Variants in MORC4 observed in about 807,000 individuals in gnomAD.
The protein encoded by MORC4 is MORC family CW-type zinc finger 4.
MORC4 carries 22 observed loss-of-function variants against 65.5 expected under a neutral mutation model. That is an observed-to-expected ratio of 0.34 (90% CI 0.24 to 0.48). The LOEUF is 0.48. MORC4 is among the 20% of genes least tolerant of loss of function. The pLI, the probability that MORC4 is intolerant of heterozygous loss-of-function variation, is 0.99. For synonymous variants in MORC4, 267 were observed against 255.8 expected, an observed-to-expected ratio of 1.04 and a Z score of -0.42; for missense variants, 624 against 703.0, an observed-to-expected ratio of 0.89 and a Z score of 1.27.
chrX:106,976,980 C>T (rs1208022573), intron 8 of MORC4, among the ~76,000 whole-genome samples: 1 of 111,449 alleles, frequency 9.0e-6, no homozygotes, highest in Admixed American at 9.6e-5. Context: ...CTTTTATCTG[C>T]TTTATATTCC....
intron 9 of MORC4, among the ~76,000 whole-genome samples, chrX:106,974,711 T>C (rs1218312067): frequency 8.9e-6 from 1 of 112,109 alleles, no homozygotes; most frequent in African/African-American, 3.2e-5. Flanking sequence ...TCCAGCAGTA[T>C]GATGGCTGGT....
At chrX:106,993,634 A>G (rs1935023523) in intron 2 of MORC4, among the ~76,000 whole-genome samples, 1 of 111,959 alleles carries the variant, frequency 8.9e-6, no homozygotes, top group African/African-American at 3.2e-5. Flanking sequence ...GTCTTTGGAA[A>G]AAAGTATTAA....
intron 14 of MORC4, among the ~76,000 whole-genome samples, chrX:106,952,737 T>C (rs1357273666): frequency 8.9e-6 from 1 of 112,056 alleles, no homozygotes; most frequent in African/African-American, 3.2e-5. Flanking sequence ...GGCTTTATTT[T>C]ATCTGGAGTT....
intron 14 of MORC4, among the ~76,000 whole-genome samples, chrX:106,944,741 G>A (rs1933782317): frequency 9.0e-6 from 1 of 111,221 alleles, no homozygotes; most frequent in Non-Finnish European, 1.9e-5. Context: ...CTTCAAACCT[G>A]CTCCTTTTCC....
intron 14 of MORC4, among the ~76,000 whole-genome samples, chrX:106,948,055 TG>T (rs977609712): frequency 9.0e-6 from 1 of 111,608 alleles, no homozygotes; most frequent in Non-Finnish European, 1.9e-5. Context: ...ACGCCTTCTT[TG>T]TTCCTTTGAC....
At chrX:106,990,577 T>C (rs1213226543) in intron 3 of MORC4, among the ~76,000 whole-genome samples, 1 of 112,524 alleles carries the variant, frequency 8.9e-6, no homozygotes, top group Admixed American at 9.3e-5. Context: ...CTCTTTTAAA[T>C]AAATGGTATC....
intron 2 of MORC4, among the ~76,000 whole-genome samples, chrX:106,999,418 T>C (rs2147831141): frequency 8.9e-6 from 1 of 111,813 alleles, no homozygotes; most frequent in South Asian, 3.8e-4. Context: ...TGCCCGAACG[T>C]CACGAGCGCG....
intron 9 of MORC4, among the ~76,000 whole-genome samples, chrX:106,965,887 T>C (rs762917388): frequency 1.3e-4 from 15 of 112,058 alleles, no homozygotes; most frequent in Non-Finnish European, 2.4e-4. Context: ...GAACATGTTA[T>C]TGGAAAACTT....
At chrX:106,954,370 C>T (rs1934049473) in intron 14 of MORC4, among the ~76,000 whole-genome samples, 1 of 112,327 alleles carries the variant, frequency 8.9e-6, no homozygotes. Context: ...CAAAATAACA[C>T]TGATGAGGTG....
At chrX:106,950,138 A>G (rs1312314360) in intron 14 of MORC4, among the ~76,000 whole-genome samples, 10 of 112,134 alleles carry the variant, frequency 8.9e-5, no homozygotes, top group Non-Finnish European at 1.9e-5. Context: ...CCCTGTGCTT[A>G]TACACAGCCT....
At chrX:106,962,558 T>C (rs914311788) in intron 9 of MORC4, among the ~76,000 whole-genome samples, 1 of 112,048 alleles carries the variant, frequency 8.9e-6, no homozygotes, top group African/African-American at 3.2e-5. Context: ...TACTATACCC[T>C]ATCTATTATA....
chrX:106,983,840 C>G (rs975562535), intron 5 of MORC4, among the ~76,000 whole-genome samples: 1 of 110,567 alleles, frequency 9.0e-6, no homozygotes, highest in Non-Finnish European at 1.9e-5. Flanking sequence ...GCCACCACAC[C>G]TGGCCAGATT....
At chrX:106,964,731 C>T (rs1332771952) in intron 9 of MORC4, among the ~76,000 whole-genome samples, 1 of 111,776 alleles carries the variant, frequency 8.9e-6, no homozygotes, top group Non-Finnish European at 1.9e-5. Flanking sequence ...AAAAATTGGC[C>T]AGGTGCAGTG....
At position 106,978,029 on chromosome X, in the gene MORC4, C is replaced by A. The variant is rs780760747; in HGVS notation, c.1056+51G>T. ...CTATCCCCTTTGCAAATTTTAAATTCTCTTCCTACTCTTTTCAGCCTCCTA... is the reference window on the plus strand; with the variant it reads ...CTATCCCCTTTGCAAATTTTAAATTATCTTCCTACTCTTTTCAGCCTCCTA... On this transcript the variant is annotated intron_variant, in intron 8 of 16. Transcript: ENST00000355610. 3.4e-6 allele frequency: 4 copies of A among 1,190,303 alleles called. No individual in the cohort carries two copies. In the South Asian group the frequency reaches 5.5e-5, roughly 16 times the overall value.
Position 106,980,909 on chromosome X carries a change from T to C in MORC4, c.918A>G (p.Thr306=), listed in dbSNP as rs915072653. The C allele has an allele frequency of 5.0e-6, 6 of 1,207,207 alleles. No individual in the cohort carries two copies. Among genetic ancestry groups the C allele is most frequent in the East Asian group, 3.0e-5 (1 of 33,840 alleles). Residue 306 remains threonine, a synonymous_variant, in exon 7 of 17, where the codon ACA becomes ACG. Transcript: ENST00000355610. The stretch of plus-strand genomic sequence containing the variant: ...AGGATACTGTGAAGGTAGGTTTATA[T>C]GTATCATATTCTACATTGGCCAGGC... ...AKSLANVEYD[T]YKPTFTNKQV...
At chrX:106,945,392 T>A (rs1301981370) in intron 14 of MORC4, among the ~76,000 whole-genome samples, 5 of 103,571 alleles carry the variant, frequency 4.8e-5, no homozygotes, top group African/African-American at 1.8e-4. Context: ...AGCACTCTTA[T>A]TAAAATGCAT....
At chrX:106,994,784 C>CT (rs1240621494) in intron 2 of MORC4, among the ~76,000 whole-genome samples, 31 of 107,849 alleles carry the variant, frequency 2.9e-4, no homozygotes, top group Non-Finnish European at 5.0e-4. Flanking sequence ...TTTTTTTTTT[C>CT]TTTTTTTTCA....
At chrX:106,993,470 T>G in intron 2 of MORC4, 108 bp from the exon 3 acceptor site, 1 of 826,461 alleles carries the variant, frequency 1.2e-6, no homozygotes, top group Non-Finnish European at 1.7e-6. Flanking sequence ...TTTCCTTCAT[T>G]TGGATGTTTG....
At chrX:106,962,282 G>C (rs750049966) in intron 9 of MORC4, among the ~76,000 whole-genome samples, 172 bp from the exon 10 acceptor site, 1 of 112,532 alleles carries the variant, frequency 8.9e-6, no homozygotes, top group African/African-American at 3.2e-5. Flanking sequence ...CAAGCTACAT[G>C]TCAAAATGAC....
Sources: gnomAD v4.1 joint callset for allele counts (sites outside exome capture counted in the v4.1 genomes callset) on GRCh38, gnomAD v4.1.1 for gene constraint, MANE v1.5 for transcripts, NCBI Gene and HGNC (gene_info 2026-07-23, HGNC 2026-07-21) for gene names.